PDE4C: variants seen among roughly 807,000 people sequenced by gnomAD.
PDE4C encodes the protein phosphodiesterase 4C.
A neutral mutation model predicts 63.9 loss-of-function variants in PDE4C; 50 were observed. The ratio of observed to expected loss-of-function variants is 0.78; its 90% CI spans 0.62 to 0.99. The LOEUF (loss-of-function observed/expected upper bound fraction) is 0.99. Ranked by LOEUF, PDE4C falls within the 50% of genes least tolerant of loss-of-function variation. The probability of loss-of-function intolerance (pLI) is 0.00; values close to 1 mark genes in which losing one functional copy is unlikely to be tolerated. For synonymous variants in PDE4C, 377 were observed against 385.1 expected, an observed-to-expected ratio of 0.98 and a Z score of 0.25; for missense variants, 777 against 899.1, an observed-to-expected ratio of 0.86 and a Z score of 1.74.
chr19:18,238,934 T>C (rs1249396194), intron 1 of PDE4C, among the ~76,000 whole-genome samples: 1 of 149,602 alleles, frequency 6.7e-6, no homozygotes, highest in Non-Finnish European at 1.5e-5. Flanking sequence ...GAGGCTGCAG[T>C]GAGTGGAGAC....
At chr19:18,228,632 T>C (rs1041447055), upstream of PDE4C, among the ~76,000 whole-genome samples, 2 of 152,232 alleles carry the variant, frequency 1.3e-5, no homozygotes, top group African/African-American at 4.8e-5. Context: ...TAATGTTTCA[T>C]CCATATATTT....
upstream of PDE4C, among the ~76,000 whole-genome samples, chr19:18,249,237 G>C (rs910164486): frequency 2.6e-5 from 4 of 152,100 alleles, no homozygotes; most frequent in African/African-American, 4.8e-5. Context: ...TCAAAGTGCT[G>C]AGATTACAGT....
intron 12 of PDE4C, among the ~76,000 whole-genome samples, chr19:18,213,792 G>A (rs768927337): frequency 6.6e-6 from 1 of 152,216 alleles, no homozygotes; most frequent in Non-Finnish European, 1.5e-5. Context: ...CCCACAGTGG[G>A]TGGGCATTGT....
exon 9 of PDE4C, chr19:18,218,964 T>C (rs981238562): frequency 3.1e-6 from 5 of 1,613,552 alleles, no homozygotes; most frequent in Non-Finnish European, 3.4e-6. Flanking sequence ...ATATGATAGC[T>C]GTGAGGGGCC....
upstream of PDE4C, among the ~76,000 whole-genome samples, chr19:18,227,968 G>C (rs1284780092): frequency 6.6e-6 from 1 of 152,156 alleles, no homozygotes; most frequent in African/African-American, 2.4e-5. Context: ...AAAACAGAGA[G>C]CCTCAGGTAT....
chr19:18,219,223 T>C lies in PDE4C; in HGVS notation c.870+11A>G. The C allele has an allele frequency of 6.2e-7, 1 of 1,614,066 alleles. No homozygotes were observed. The highest frequency in any genetic ancestry group is 2.2e-5 in the East Asian group (1 of 44,880). On this transcript the variant is annotated intron_variant, in intron 8 of 14. Coordinates refer to ENST00000262805, the Ensembl canonical transcript of PDE4C. Reference sequence around the variant, plus strand: ...CAAACCTTGATCTTGGCATTGTGGTTGGGGACCCACCTTGGCCAGTTGCTC... The same window carrying C: ...CAAACCTTGATCTTGGCATTGTGGTCGGGGACCCACCTTGGCCAGTTGCTC...
At chr19:18,250,146 T>G (rs1355899369), upstream of PDE4C, 2 of 398,582 alleles carry the variant, frequency 5.0e-6, no homozygotes, top group Admixed American at 8.8e-5. Flanking sequence ...CTGGAGGTGG[T>G]GGGCAAAGGA....
Position 18,246,182 on chromosome 19 carries a change from ATT to A in PDE4C, c.-210+1987_-210+1988del, listed in dbSNP as rs35056580. ...AGGTGCCCGCCACCACACCAGGCTA[ATT>A]TTTTTTTTTTTTTTTTTGAGATGGA... On this transcript the variant is annotated intron_variant, in intron 1 of 15. Transcript: ENST00000594617. 4.2e-3 allele frequency among the ~76,000 whole-genome samples: 471 copies of A among 112,604 alleles called. 2 individuals are homozygous for A. The highest frequency in any genetic ancestry group is 0.013 in the African/African-American group (395 of 29,422). 73.9% of individuals were successfully genotyped at this position (112,604 alleles called of 152,430 possible).
chr19:18,240,442 A>AAAC (rs1969017458), intron 1 of PDE4C, among the ~76,000 whole-genome samples: 1 of 148,284 alleles, frequency 6.7e-6, no homozygotes, highest in Non-Finnish European at 1.5e-5. Context: ...AAAAAAAAAA[A>AAAC]CGGGGCTGGG....
chr19:18,210,987 A>G lies in PDE4C; in HGVS notation c.1985T>C (p.Leu662Pro), dbSNP rs7259700. 1.5e-3 allele frequency: 2,401 copies of G among 1,614,172 alleles called. 39 individuals carry two copies. The African/African-American group carries it at 0.029, about 20-fold the overall frequency. Residue 662 changes from leucine (L) to proline (P), a missense_variant, in exon 15 of 15, where the codon CTG becomes CCG. Coordinates refer to ENST00000262805, the Ensembl canonical transcript of PDE4C. ...AGGGTCTGGGCCGGCTTCAGGGGACAGGAGTTCAGTGTCAGGCAACTCCAA... is the reference window on the plus strand; with the variant it reads ...AGGGTCTGGGCCGGCTTCAGGGGACGGGAGTTCAGTGTCAGGCAACTCCAA...
chr19:18,232,842 G>A, intron 1 of PDE4C: 1 of 1,268,870 alleles, frequency 7.9e-7, no homozygotes, highest in Non-Finnish European at 1.0e-6. Context: ...CCTCAACCAA[G>A]CAGCAGAGAC....
At chr19:18,230,706 T>C (rs997024008), upstream of PDE4C, among the ~76,000 whole-genome samples, 1 of 152,082 alleles carries the variant, frequency 6.6e-6, no homozygotes, top group Non-Finnish European at 1.5e-5. Flanking sequence ...TAAGCTTAAA[T>C]GTCACTTCTC....
chr19:18,221,462 C>A (rs1477362457), intron 2 of PDE4C, among the ~76,000 whole-genome samples, 165 bp from the exon 3 acceptor site: 9 of 152,136 alleles, frequency 5.9e-5, no homozygotes, highest in South Asian at 2.1e-4. Flanking sequence ...CCCAGCACAG[C>A]CCCTCCAACC....
At chr19:18,252,494 GT>G (rs1272371888), upstream of PDE4C, 1 of 389,228 alleles carries the variant, frequency 2.6e-6, no homozygotes, top group African/African-American at 2.5e-5. Context: ...ACTGGGCGCG[GT>G]GGCTCACGCC....
intron 1 of PDE4C, among the ~76,000 whole-genome samples, chr19:18,240,732 A>C (rs1264571443): frequency 6.6e-6 from 1 of 152,180 alleles, no homozygotes; most frequent in Non-Finnish European, 1.5e-5. Flanking sequence ...GTCTCAAAAA[A>C]AAATGGGGAA....
At chr19:18,211,195 C>T (rs1967920606) in exon 15 of PDE4C, 5 of 1,614,010 alleles carry the variant, frequency 3.1e-6, no homozygotes, top group Non-Finnish European at 4.2e-6. Flanking sequence ...TCCAGCGTGT[C>T]CAGCAGGTCC....
upstream of PDE4C, chr19:18,252,271 T>C (rs1969239532): frequency 5.0e-6 from 2 of 399,136 alleles, no homozygotes; most frequent in East Asian, 7.1e-5. Context: ...CTTGAATCTG[T>C]GGAGCTGGGG....
At chr19:18,229,511 G>A (rs1337828568), upstream of PDE4C, among the ~76,000 whole-genome samples, 5 of 152,322 alleles carry the variant, frequency 3.3e-5, no homozygotes, top group African/African-American at 9.6e-5. Flanking sequence ...AAAGTACTGG[G>A]ATTACAGGTG....
intron 1 of PDE4C, among the ~76,000 whole-genome samples, chr19:18,239,499 G>A (rs983669974): frequency 2.6e-5 from 4 of 152,200 alleles, no homozygotes; most frequent in Admixed American, 6.6e-5. Context: ...CCTCAGAGGT[G>A]TTGATGATAA....
Sources: gnomAD v4.1 joint callset for allele counts (sites outside exome capture counted in the v4.1 genomes callset) on GRCh38, gnomAD v4.1.1 for gene constraint, MANE v1.5 for transcripts, NCBI Gene and HGNC (gene_info 2026-07-23, HGNC 2026-07-21) for gene names.